GRB10: variants seen among roughly 807,000 people sequenced by gnomAD.
GRB10 encodes growth factor receptor-bound protein 10.
Under a neutral mutation model 80.9 loss-of-function variants are expected in GRB10, and 20 were observed. The observed-to-expected ratio is 0.25, with a 90% CI of 0.17 to 0.36. The LOEUF (loss-of-function observed/expected upper bound fraction) is 0.36. Ranked by LOEUF, GRB10 falls within the 10% of genes least tolerant of loss-of-function variation. The pLI, the probability that GRB10 is intolerant of heterozygous loss-of-function variation, is 1.00. For missense variants in GRB10, 548 were observed against 747.7 expected, an observed-to-expected ratio of 0.73 and a Z score of 3.12; for synonymous variants, 291 against 291.5, an observed-to-expected ratio of 1.00 and a Z score of 0.02.
At chr7:50,749,530 C>G (rs2073752708) in intron 3 of GRB10, among the ~76,000 whole-genome samples, 1 of 152,220 alleles carries the variant, frequency 6.6e-6, no homozygotes, top group Non-Finnish European at 1.5e-5. Flanking sequence ...TCTGGCCACA[C>G]TCATCCTATA....
intron 2 of GRB10, among the ~76,000 whole-genome samples, chr7:50,770,305 G>A (rs1426061365): frequency 6.6e-6 from 1 of 152,142 alleles, no homozygotes; most frequent in East Asian, 1.9e-4. Context: ...TAATAGTTAC[G>A]GACCAAGTAT....
chr7:50,775,379 C>G (rs567420090), intron 2 of GRB10, among the ~76,000 whole-genome samples: 5 of 152,198 alleles, frequency 3.3e-5, no homozygotes, highest in Non-Finnish European at 7.4e-5. Context: ...TCCCAAGGAC[C>G]TGGGCAGCCC....
At chr7:50,650,837 A>G (rs184956399) in intron 7 of GRB10, among the ~76,000 whole-genome samples, 289 of 149,406 alleles carry the variant, frequency 1.9e-3, no homozygotes, top group African/African-American at 6.6e-3. Flanking sequence ...TGGGAGTAGG[A>G]AAATCTCCTG....
Position 50,736,199 on chromosome 7 carries a change from T to C in GRB10, c.-46-3831A>G, listed in dbSNP as rs149768912. Among the ~76,000 whole-genome samples, 392 of 152,264 alleles carry C rather than the reference T, an allele frequency of 2.6e-3. 1 individual carries two copies. Among genetic ancestry groups the C allele is most frequent in the African/African-American group, 9.2e-3 (382 of 41,556 alleles). On this transcript the variant is annotated intron_variant, in intron 3 of 18. Coordinates refer to ENST00000401949, the MANE Select transcript of GRB10 (RefSeq NM_001350814.2). ...TACCTGGGAGCCTGAGGCAGGAGAA[T>C]TGCTTGAACCTGGGAGGTGGAGGTT...
At chr7:50,791,882 T>TCC (rs144640477) in intron 1 of GRB10, among the ~76,000 whole-genome samples, 8,802 of 152,208 alleles carry the variant, frequency 0.058, 595 homozygotes, top group Admixed American at 0.18. Flanking sequence ...TAAAATACTC[T>TCC]CCTAAAAGAC....
At chr7:50,670,707 C>T (rs906159795) in intron 6 of GRB10, among the ~76,000 whole-genome samples, 1 of 152,106 alleles carries the variant, frequency 6.6e-6, no homozygotes. Flanking sequence ...TTTCAATGTC[C>T]TTGAAATGAG....
intron 4 of GRB10, among the ~76,000 whole-genome samples, chr7:50,721,492 A>G (rs10216232): frequency 0.91 from 138,191 of 152,304 alleles, 62,831 homozygotes; most frequent in African/African-American, 0.97. Flanking sequence ...GAAGAGGAAC[A>G]ATGCTGGCCA....
chr7:50,788,071 G>A (rs1223929852), intron 1 of GRB10, among the ~76,000 whole-genome samples: 1 of 152,140 alleles, frequency 6.6e-6, no homozygotes, highest in Non-Finnish European at 1.5e-5. Flanking sequence ...AGGAAGCTGT[G>A]GTACAAACTT....
At chr7:50,638,600 T>C (rs1304325503) in intron 7 of GRB10, among the ~76,000 whole-genome samples, 1 of 152,178 alleles carries the variant, frequency 6.6e-6, no homozygotes, top group Non-Finnish European at 1.5e-5. Context: ...CAAAAGATGT[T>C]GACATAAGTG....
At chr7:50,727,992 A>G (rs1212156396) in intron 4 of GRB10, 1 of 152,232 alleles carries the variant, frequency 6.6e-6, no homozygotes, top group Non-Finnish European at 1.5e-5. Flanking sequence ...AAATATCTCC[A>G]TAACATAGCT....
intron 2 of GRB10, among the ~76,000 whole-genome samples, chr7:50,774,707 T>A (rs573628305): frequency 6.6e-6 from 1 of 152,132 alleles, no homozygotes; most frequent in Non-Finnish European, 1.5e-5. Flanking sequence ...CCCAAATTTA[T>A]GTCTTTCTCA....
chr7:50,788,770 T>G (rs1388596983), intron 1 of GRB10, among the ~76,000 whole-genome samples: 1 of 152,174 alleles, frequency 6.6e-6, no homozygotes, highest in African/African-American at 2.4e-5. Flanking sequence ...CAGGGGCACA[T>G]CAGCCTGACC....
intron 7 of GRB10, among the ~76,000 whole-genome samples, chr7:50,660,633 G>A (rs997436165): frequency 2.0e-5 from 3 of 152,122 alleles, no homozygotes; most frequent in Non-Finnish European, 2.9e-5. Context: ...GACGGGAAAT[G>A]GTTACAGGCA....
chr7:50,783,693 T>C (rs2078546747), upstream of GRB10, among the ~76,000 whole-genome samples: 2 of 152,090 alleles, frequency 1.3e-5, no homozygotes, highest in South Asian at 2.1e-4. Flanking sequence ...GCAGAGAACA[T>C]GGTAGGAAAA....
intron 4 of GRB10, among the ~76,000 whole-genome samples, chr7:50,710,358 C>T (rs2065701553): frequency 6.7e-6 from 1 of 149,876 alleles, no homozygotes; most frequent in Non-Finnish European, 1.5e-5. Context: ...CAGCAAAAAG[C>T]ATCACAAGGT....
At chr7:50,616,428 T>G (rs2050655731) in intron 10 of GRB10, 81 bp from the exon 11 acceptor site, 1 of 1,323,456 alleles carries the variant, frequency 7.6e-7, no homozygotes, top group African/African-American at 1.5e-5. Flanking sequence ...ATAGCTGACA[T>G]TTTCTGAATT....
At chr7:50,666,361 G>T (rs1202252306) in intron 7 of GRB10, among the ~76,000 whole-genome samples, 1 of 152,198 alleles carries the variant, frequency 6.6e-6, no homozygotes, top group African/African-American at 2.4e-5. Flanking sequence ...CGGCATTGGA[G>T]GAATCGCGTG....
At position 50,669,706 on chromosome 7, in the gene GRB10, C is replaced by A. The variant is rs774886953; in HGVS notation, c.504+16G>T. 1 of 1,611,316 alleles carries A rather than the reference C, an allele frequency of 6.2e-7. No individual in the cohort carries two copies. Among genetic ancestry groups the A allele is most frequent in the Non-Finnish European group, 8.5e-7 (1 of 1,179,278 alleles). The stretch of plus-strand genomic sequence containing the variant: ...GCATATCCCTCAGCCTGGGCTCCAG[C>A]CAGGGGCACACTCACCTGCTTTGCG... On this transcript the variant is annotated intron_variant, in intron 7 of 18. Transcript: ENST00000401949.
rs142037279 is a variant in GRB10, at chr7:50,604,896, G to C, written c.1389+394C>G. Reference sequence around the variant, plus strand: ...GAACCTAAGCCTCAGGGGTGAGGGAGTGGCCCAAGGCCTCCAGGCTGTTAG... The same window carrying C: ...GAACCTAAGCCTCAGGGGTGAGGGACTGGCCCAAGGCCTCCAGGCTGTTAG... On this transcript the variant is annotated intron_variant, in intron 15 of 18. Coordinates refer to ENST00000401949, the MANE Select transcript of GRB10 (RefSeq NM_001350814.2). 3.5e-3 allele frequency: 1,030 copies of C among 296,048 alleles called. 10 individuals carry two copies. Among genetic ancestry groups the C allele is most frequent in the African/African-American group, 0.02 (940 of 46,144 alleles). 18.3% of individuals were successfully genotyped at this position (296,048 alleles called of 1,614,324 possible). A position where few individuals can be genotyped will look rare whatever the true frequency, so the allele number is the denominator to read the frequency against.
Sources: allele counts gnomAD v4.1 joint callset (sites outside exome capture counted in the v4.1 genomes callset), GRCh38; gene constraint gnomAD v4.1.1; transcripts MANE v1.5; gene names NCBI Gene and HGNC (gene_info 2026-07-23, HGNC 2026-07-21).